Variants in NOS1AP observed in about 807,000 individuals in gnomAD.
The protein encoded by NOS1AP is nitric oxide synthase 1 adaptor protein, also known as carboxyl-terminal PDZ ligand of neuronal nitric oxide synthase protein.
A neutral mutation model predicts 56.2 loss-of-function variants in NOS1AP; 21 were observed. The observed-to-expected ratio is 0.37, with a 90% CI of 0.26 to 0.54. The LOEUF (loss-of-function observed/expected upper bound fraction) is 0.54. Ranked by LOEUF, NOS1AP falls within the 20% of genes least tolerant of loss-of-function variation. The pLI, the probability that NOS1AP is intolerant of heterozygous loss-of-function variation, is 0.84. For synonymous variants in NOS1AP, 270 were observed against 274.6 expected (o/e 0.98, Z 0.17); for missense variants, 522 against 657.8 (o/e 0.79, Z 2.26).
Position 162,221,621 on chromosome 1 carries a change from C to A in NOS1AP, c.178-65723C>A, listed in dbSNP as rs890624683. 2.0e-5 allele frequency among the ~76,000 whole-genome samples: 3 copies of A among 151,730 alleles called. No homozygotes were observed. The South Asian group carries it at 6.2e-4, about 32-fold the overall frequency. On this transcript the variant is annotated intron_variant, in intron 2 of 9. Transcript: ENST00000361897. ...GTTCAAAGCCTGTCTCTATAACTCA[C>A]TAGCTTTTTTACTTAAGGCAGATTA...
intron 1 of NOS1AP, among the ~76,000 whole-genome samples, chr1:162,087,355 A>G (rs1314357971): frequency 6.6e-6 from 1 of 152,096 alleles, no homozygotes; most frequent in African/African-American, 2.4e-5. Flanking sequence ...TGGATGTGCC[A>G]TGTGGGAGGG....
chr1:162,198,135 A>C (rs889934778), intron 2 of NOS1AP, among the ~76,000 whole-genome samples: 1 of 152,154 alleles, frequency 6.6e-6, no homozygotes, highest in Non-Finnish European at 1.5e-5. Flanking sequence ...CACAGGGTGT[A>C]GGAGAGAGTG....
intron 1 of NOS1AP, among the ~76,000 whole-genome samples, chr1:162,120,652 C>T (rs1648173058): frequency 6.6e-6 from 1 of 152,162 alleles, no homozygotes; most frequent in South Asian, 2.1e-4. Flanking sequence ...TCTCGTGACA[C>T]TTATTTACTA....
At position 162,352,507 on chromosome 1, in the gene NOS1AP, A is replaced by G. The variant is rs188860890; in HGVS notation, c.596-2680A>G. On this transcript the variant is annotated intron_variant, in intron 6 of 9. Coordinates refer to ENST00000361897, the MANE Select transcript of NOS1AP (RefSeq NM_014697.3). ...TTCCTGAACTTTCCATTCATGCACT[A>G]TAGTAATCTACACAGCCTGCCATAA... Among the ~76,000 whole-genome samples, 514 of 151,778 alleles carry G rather than the reference A, an allele frequency of 3.4e-3. 8 individuals carry two copies. The highest frequency in any genetic ancestry group is 1.0e-3 in the Non-Finnish European group (71 of 67,964).
chr1:162,319,365 C>T (rs1032497781), intron 4 of NOS1AP, among the ~76,000 whole-genome samples: 6 of 152,008 alleles, frequency 3.9e-5, no homozygotes, highest in Non-Finnish European at 7.4e-5. Context: ...AATCCATCCT[C>T]CACACCACCA....
At position 162,080,569 on chromosome 1, in the gene NOS1AP, T is replaced by C. The variant is rs149345925; in HGVS notation, c.105+10287T>C. Among the ~76,000 whole-genome samples, 13 of 152,284 alleles carry C rather than the reference T, an allele frequency of 8.5e-5. No homozygotes were observed. In the East Asian group the frequency reaches 2.3e-3, roughly 27 times the overall value. Reference sequence around the variant, plus strand: ...GCACCCTGTAACATTCTGAATTCCCTTGGCATGTGAGTGTGTTGGGGAGAG... The same window carrying C: ...GCACCCTGTAACATTCTGAATTCCCCTGGCATGTGAGTGTGTTGGGGAGAG... On this transcript the variant is annotated intron_variant, in intron 1 of 9. Coordinates refer to ENST00000361897, the MANE Select transcript of NOS1AP (RefSeq NM_014697.3).
At chr1:162,342,724 G>A (rs1175173810) in intron 5 of NOS1AP, 2 of 384,164 alleles carry the variant, frequency 5.2e-6, no homozygotes, top group East Asian at 1.5e-4. Context: ...AGCCCTACTT[G>A]ATTGCTGCCA....
chr1:162,090,518 T>A (rs1692107844), intron 1 of NOS1AP, among the ~76,000 whole-genome samples: 1 of 152,150 alleles, frequency 6.6e-6, no homozygotes. Flanking sequence ...TTTTTAGAAT[T>A]ATATTCCTTG....
chr1:162,185,219 C>T (rs1651391184), intron 2 of NOS1AP, among the ~76,000 whole-genome samples: 1 of 152,320 alleles, frequency 6.6e-6, no homozygotes, highest in Middle Eastern at 3.4e-3. Context: ...AGGATAATCT[C>T]TCCATCTGCA....
rs1200416801 is a variant in NOS1AP at position 162,368,456 on chromosome 1, A to AAAAG, written c.*991_*992insAGAA. ...TTTACTGCAAAAAAAAAAAAAGAAAAAAGAGAAAGAAAAAAAAGAATGAAT... is the reference window on the plus strand; with the variant it reads ...TTTACTGCAAAAAAAAAAAAAGAAAAAAAGAAGAGAAAGAAAAAAAAGAATGAAT... On this transcript the variant is annotated 3_prime_UTR_variant, in exon 10 of 10. Transcript: ENST00000361897. The AAAAG allele has an allele frequency of 1.5e-4, 23 of 151,882 alleles. No homozygotes were observed. Among genetic ancestry groups the AAAAG allele is most frequent in the African/African-American group, 5.6e-4 (23 of 41,310 alleles). The allele number at this position is 151,882 out of a possible 1,614,324, so 9.4% of individuals were successfully genotyped here.
At chr1:162,360,225 T>C (rs371798483) in intron 8 of NOS1AP, among the ~76,000 whole-genome samples, 6 of 152,280 alleles carry the variant, frequency 3.9e-5, no homozygotes, top group African/African-American at 1.2e-4. Flanking sequence ...AACTCTTAAG[T>C]ATTTCCGGGT....
chr1:162,293,310 G>A (rs1049149881), intron 3 of NOS1AP, among the ~76,000 whole-genome samples: 4 of 152,018 alleles, frequency 2.6e-5, no homozygotes, highest in Non-Finnish European at 5.9e-5. Context: ...TTTGTGATAC[G>A]CCTACTGATA....
At chr1:162,086,407 G>A (rs1692004071) in intron 1 of NOS1AP, among the ~76,000 whole-genome samples, 1 of 152,120 alleles carries the variant, frequency 6.6e-6, no homozygotes, top group Non-Finnish European at 1.5e-5. Flanking sequence ...CTGTATATCT[G>A]TTATTTCTGT....
At chr1:162,217,348 C>G (rs1380958262) in intron 2 of NOS1AP, among the ~76,000 whole-genome samples, 2 of 144,338 alleles carry the variant, frequency 1.4e-5, no homozygotes, top group African/African-American at 5.1e-5. Context: ...ACTGCCACCT[C>G]TGCCTCCTGG....
At chr1:162,334,383 G>A (rs1656872279) in intron 5 of NOS1AP, among the ~76,000 whole-genome samples, 1 of 152,142 alleles carries the variant, frequency 6.6e-6, no homozygotes, top group Admixed American at 6.5e-5. Context: ...ACATAAATGA[G>A]GCTAAGTCAA....
At chr1:162,263,847 C>T (rs906884339) in intron 2 of NOS1AP, among the ~76,000 whole-genome samples, 6 of 152,184 alleles carry the variant, frequency 3.9e-5, no homozygotes, top group South Asian at 2.1e-4. Context: ...AGTTCTAATC[C>T]GGTGACTGGG....
At chr1:162,147,729 A>G (rs564326408) in intron 1 of NOS1AP, among the ~76,000 whole-genome samples, 28 of 152,390 alleles carry the variant, frequency 1.8e-4, no homozygotes, top group Non-Finnish European at 3.2e-4. Flanking sequence ...CTGGAAGATA[A>G]GATAGAACAG....
chr1:162,191,436 T>G (rs1651644025), intron 2 of NOS1AP, among the ~76,000 whole-genome samples: 1 of 152,178 alleles, frequency 6.6e-6, no homozygotes, highest in African/African-American at 2.4e-5. Flanking sequence ...CTGTACAGCT[T>G]GTTTCTTTCT....
intron 2 of NOS1AP, among the ~76,000 whole-genome samples, chr1:162,221,361 T>G (rs1463332392): frequency 6.6e-6 from 1 of 152,214 alleles, no homozygotes; most frequent in Non-Finnish European, 1.5e-5. Flanking sequence ...CTGCCTGTCT[T>G]ACTGTGTTTC....
Sources: gnomAD v4.1 joint callset for allele counts (sites outside exome capture counted in the v4.1 genomes callset) on GRCh38, gnomAD v4.1.1 for gene constraint, MANE v1.5 for transcripts, NCBI Gene and HGNC (gene_info 2026-07-23, HGNC 2026-07-21) for gene names.